UBR4: variants seen among roughly 807,000 people sequenced by gnomAD.
The protein encoded by UBR4 is E3 ubiquitin-protein ligase UBR4.
A neutral mutation model predicts 575.6 loss-of-function variants in UBR4; 124 were observed. The observed-to-expected ratio is 0.22, with a 90% CI of 0.19 to 0.25. UBR4 has a LOEUF of 0.25. Among genes scored for constraint, UBR4 ranks in the 10% least tolerant of loss-of-function variants. The pLI, the probability that UBR4 is intolerant of heterozygous loss-of-function variation, is 1.00. For synonymous variants in UBR4, 2,455 were observed against 2,473.7 expected, an observed-to-expected ratio of 0.99 and a Z score of 0.22; for missense variants, 4,818 against 6,478.8, an observed-to-expected ratio of 0.74 and a Z score of 8.80.
At chr1:19,105,291 C>A (rs1186075592) in intron 84 of UBR4, 102 bp from the exon 85 acceptor site, 3 of 1,357,910 alleles carry the variant, frequency 2.2e-6, no homozygotes, top group Non-Finnish European at 2.0e-6. Context: ...CTTCTGCTGT[C>A]TGTCTCTCCT....
chr1:19,097,345 A>T, intron 90 of UBR4, 65 bp from the exon 91 acceptor site: 3 of 1,454,672 alleles, frequency 2.1e-6, no homozygotes, highest in Non-Finnish European at 2.8e-6. Flanking sequence ...AGGACTCCAT[A>T]CTTGGTCTTG....
intron 5 of UBR4, 90 bp from the exon 6 acceptor site, chr1:19,198,139 C>A: frequency 8.0e-7 from 1 of 1,245,970 alleles, no homozygotes; most frequent in Non-Finnish European, 1.1e-6. Context: ...GGATACTCTC[C>A]AGACTCCCCA....
intron 93 of UBR4, 90 bp downstream of exon 93, chr1:19,095,455 G>T: frequency 2.4e-6 from 3 of 1,247,274 alleles, no homozygotes; most frequent in Non-Finnish European, 3.5e-6. Flanking sequence ...GAAGCCGTGA[G>T]TCCATTTCAT....
rs997457854 is a variant in UBR4, at chr1:19,096,646, T to C, written c.13395A>G (p.Glu4465=). 5 of 1,613,250 alleles carry C rather than the reference T, an allele frequency of 3.1e-6. No homozygotes were observed. The highest frequency in any genetic ancestry group is 4.2e-6 in the Non-Finnish European group (5 of 1,179,672). Residue 4465 remains glutamate (E), a synonymous_variant, in exon 92 of 106, where the codon GAA becomes GAG. Coordinates refer to ENST00000375254, the MANE Select transcript of UBR4 (RefSeq NM_020765.3). ...FIESLDSTTD[E]EEDEEEVYKM... ...TATACACTTCTTCTTCATCTTCTTC[T>C]TCATCTAGGGGAGAAGGGAAGCCAA... is the stretch of plus-strand genomic sequence containing the variant.
intron 88 of UBR4, 56 bp downstream of exon 88, chr1:19,101,464 T>C: frequency 1.3e-6 from 2 of 1,553,576 alleles, no homozygotes; most frequent in Non-Finnish European, 1.8e-6. Flanking sequence ...AGAGGCTTCA[T>C]GGCAAAGTGG....
In UBR4 at chr1:19,172,998, T is replaced by G; in HGVS notation, c.3387A>C (p.Ser1129=). The G allele has an allele frequency of 6.2e-7, 1 of 1,614,168 alleles. No homozygotes were observed. Among genetic ancestry groups the G allele is most frequent in the Non-Finnish European group, 8.5e-7 (1 of 1,180,020 alleles). Residue 1129 remains serine, a synonymous_variant, in exon 25 of 106, where the codon TCA becomes TCC. Coordinates refer to ENST00000375254, the MANE Select transcript of UBR4 (RefSeq NM_020765.3). ...QSIYTLDAAI[S]KVQVSLDEHF... is the part of the protein sequence containing the mutation. ...GCTCATCCAAAGAGACCTGGACCTT[T>G]GAGATCGCGGCATCAAGGGTGTAGA...
intron 90 of UBR4, among the ~76,000 whole-genome samples, chr1:19,099,261 A>G (rs2078374980): frequency 6.6e-6 from 1 of 152,186 alleles, no homozygotes; most frequent in Admixed American, 6.5e-5. Flanking sequence ...AGGTGTCCAT[A>G]CTGAAGGGAA....
At chr1:19,188,092 T>C (rs1337004563) in intron 11 of UBR4, among the ~76,000 whole-genome samples, 1 of 150,222 alleles carries the variant, frequency 6.7e-6, no homozygotes, top group Non-Finnish European at 1.5e-5. Flanking sequence ...TAGAAGAAAC[T>C]CCCAAATGGA....
At chr1:19,148,734 C>T in intron 49 of UBR4, 108 bp from the exon 50 acceptor site, 3 of 1,190,150 alleles carry the variant, frequency 2.5e-6, no homozygotes, top group Non-Finnish European at 3.7e-6. Context: ...TAATGAATGC[C>T]AAATACAAAA....
intron 1 of UBR4, among the ~76,000 whole-genome samples, chr1:19,209,774 T>G (rs1176010135): frequency 6.6e-6 from 1 of 152,142 alleles, no homozygotes; most frequent in African/African-American, 2.4e-5. Flanking sequence ...GGCAGCCCCG[T>G]GAACATTCCC....
intron 97 of UBR4, among the ~76,000 whole-genome samples, chr1:19,091,457 C>T (rs1233518625): frequency 1.3e-5 from 2 of 152,124 alleles, no homozygotes; most frequent in South Asian, 4.1e-4. Flanking sequence ...ACAGAAAAAA[C>T]GCAATGCTGA....
intron 49 of UBR4, among the ~76,000 whole-genome samples, chr1:19,149,068 A>G (rs1355570032): frequency 1.3e-5 from 2 of 152,222 alleles, no homozygotes; most frequent in Non-Finnish European, 2.9e-5. Flanking sequence ...ATATGCACAA[A>G]GGCATTTCCT....
intron 48 of UBR4, chr1:19,151,390 G>C: frequency 1.8e-6 from 1 of 570,094 alleles, no homozygotes; most frequent in South Asian, 2.1e-5. Flanking sequence ...CATTAGTGAG[G>C]TGGACACAAC....
At position 19,075,022 on chromosome 1, in the gene UBR4, C is replaced by A. The variant is rs1570018831; in HGVS notation, c.15488-126G>T. On this transcript the variant is annotated intron_variant, in intron 105 of 105. Transcript: ENST00000375254. Reference sequence around the variant, plus strand: ...CGACAAGCTCTGGCCCGGCTGCTCACTGGACAGCAGCATGACCGGGGAGGT... The same window carrying A: ...CGACAAGCTCTGGCCCGGCTGCTCAATGGACAGCAGCATGACCGGGGAGGT... 4.2e-6 allele frequency: 4 copies of A among 957,232 alleles called. No individual in the cohort carries two copies. The East Asian group carries it at 7.8e-5, about 19-fold the overall frequency. 59.3% of individuals were successfully genotyped at this position (957,232 alleles called of 1,614,324 possible). A position where few individuals can be genotyped will look rare whatever the true frequency, so the allele number is the denominator to read the frequency against.
At position 19,127,715 on chromosome 1, in the gene UBR4, T is replaced by C. The variant is rs756228405; in HGVS notation, c.9136A>G (p.Ser3046Gly). The C allele has an allele frequency of 2.7e-5, 43 of 1,614,036 alleles. No individual in the cohort carries two copies. The East Asian group carries it at 8.7e-4, about 33-fold the overall frequency. ...ACCAGATGGACTTCATTCAGGGCGC[T>C]GCGCTCATTCTTCTTGGAGACATCC... Reference protein sequence around the residue: ...KKDVSKKNERSALNEVHLVVM... With the variant: ...KKDVSKKNERGALNEVHLVVM... Residue 3046 changes from serine to glycine, a missense_variant, in exon 63 of 106, where the codon AGC becomes GGC. By Grantham distance (56) the Ser-to-Gly change is moderately conservative. Transcript: ENST00000375254.
chr1:19,090,924 G>A (rs1173692079), intron 97 of UBR4, among the ~76,000 whole-genome samples: 4 of 151,940 alleles, frequency 2.6e-5, no homozygotes, highest in South Asian at 4.2e-4. Context: ...GTGAAACCCC[G>A]AGTCTACTAA....
chr1:19,156,545 CT>C, intron 41 of UBR4, 122 bp from the exon 42 acceptor site: 1 of 1,330,012 alleles, frequency 7.5e-7, no homozygotes, highest in Non-Finnish European at 1.0e-6. Flanking sequence ...AGTATTTAGA[CT>C]GTCTAGTAAC....
intron 89 of UBR4, 106 bp from the exon 90 acceptor site, chr1:19,099,783 A>G (rs1025200039): frequency 4.0e-5 from 37 of 922,290 alleles, no homozygotes; most frequent in East Asian, 5.2e-5. Flanking sequence ...CACAATTTTT[A>G]TATGTCATGG....
intron 39 of UBR4, among the ~76,000 whole-genome samples, chr1:19,159,620 T>TG (rs1553193384): frequency 5.3e-5 from 8 of 151,014 alleles, no homozygotes; most frequent in African/African-American, 1.9e-4. Context: ...TTTTTTTTTT[T>TG]GAGAGAGAGT....
Sources: allele counts gnomAD v4.1 joint callset (sites outside exome capture counted in the v4.1 genomes callset), GRCh38; gene constraint gnomAD v4.1.1; transcripts MANE v1.5; gene names NCBI Gene and HGNC (gene_info 2026-07-23, HGNC 2026-07-21).